Variants in C1QTNF6 observed in about 807,000 individuals in gnomAD.
C1QTNF6 encodes the protein C1q and TNF related 6, also known as complement C1q tumor necrosis factor-related protein 6.
C1QTNF6 carries 17 observed loss-of-function variants against 20.7 expected under a neutral mutation model. The observed-to-expected ratio is 0.82, with a 90% CI of 0.56 to 1.23. C1QTNF6 has a LOEUF of 1.23. Ranked by LOEUF, C1QTNF6 falls within the 50% of genes most tolerant of loss-of-function variation. C1QTNF6 has a pLI of 0.00. For missense variants in C1QTNF6, 329 were observed against 389.7 expected (o/e 0.84, Z 1.31); for synonymous variants, 130 against 156.3 (o/e 0.83, Z 1.25).
upstream of C1QTNF6, among the ~76,000 whole-genome samples, chr22:37,188,709 C>G (rs1017153248): frequency 6.6e-6 from 1 of 152,232 alleles, no homozygotes; most frequent in South Asian, 2.1e-4. Flanking sequence ...ACCACAGTCG[C>G]GTCGCCTCTC....
At chr22:37,194,205 G>C (rs1395829472) in intron 2 of C1QTNF6, among the ~76,000 whole-genome samples, 1 of 152,212 alleles carries the variant, frequency 6.6e-6, no homozygotes, top group Non-Finnish European at 1.5e-5. Flanking sequence ...GTTTGTAACT[G>C]ACGAGTTTGC....
In C1QTNF6 at chr22:37,183,256, C is replaced by G. The variant is rs189210199; in HGVS notation, c.290-521G>C. Among the ~76,000 whole-genome samples the G allele has an allele frequency of 5.3e-5, 8 of 152,336 alleles. No homozygotes were observed. In the East Asian group the frequency reaches 5.8e-4, roughly 11 times the overall value. ...TTGGCAGTCCTGCCCTGTGTGACCTCGGGCACTCCACGGCTGGGGTCTCGG... is the reference window on the plus strand; with the variant it reads ...TTGGCAGTCCTGCCCTGTGTGACCTGGGGCACTCCACGGCTGGGGTCTCGG... On this transcript the variant is annotated intron_variant, in intron 2 of 2. Coordinates refer to ENST00000337843, the MANE Select transcript of C1QTNF6 (RefSeq NM_031910.4).
chr22:37,190,296 T>C (rs191466702), upstream of C1QTNF6, among the ~76,000 whole-genome samples: 437 of 152,356 alleles, frequency 2.9e-3, 2 homozygotes, highest in African/African-American at 9.9e-3. Flanking sequence ...GTGCAGCAAG[T>C]ATAATTATTT....
chr22:37,188,412 G>A, upstream of C1QTNF6: 2 of 484,088 alleles, frequency 4.1e-6, no homozygotes, highest in South Asian at 3.4e-5. Context: ...GGAGATAAAG[G>A]GAGGCAGGGA....
At chr22:37,183,436 G>A (rs571135068) in intron 2 of C1QTNF6, among the ~76,000 whole-genome samples, 2 of 152,362 alleles carry the variant, frequency 1.3e-5, no homozygotes, top group East Asian at 3.9e-4. Context: ...CCTGCTCTGA[G>A]GTCTGGCAGC....
At chr22:37,193,853 A>T (rs549717226) in intron 2 of C1QTNF6, among the ~76,000 whole-genome samples, 2 of 152,372 alleles carry the variant, frequency 1.3e-5, no homozygotes, top group East Asian at 1.9e-4. Context: ...CAAAGGTCAC[A>T]TAGATATTAA....
At chr22:37,188,314 A>C (rs1601634185), upstream of C1QTNF6, 3 of 690,196 alleles carry the variant, frequency 4.3e-6, no homozygotes, top group East Asian at 2.7e-4. Flanking sequence ...GGAGGGAGAG[A>C]GGGCGGAGGG....
At chr22:37,185,538 T>C (rs1601630030) in intron 1 of C1QTNF6, 83 bp from the exon 2 acceptor site, 1 of 1,443,640 alleles carries the variant, frequency 6.9e-7, no homozygotes, top group African/African-American at 1.4e-5. Context: ...GGGTGCTGCG[T>C]CCTCCAGCCA....
chr22:37,184,437 C>T lies in C1QTNF6; in HGVS notation c.289+781G>A, dbSNP rs1924089850. 1.4e-6 allele frequency: 1 copy of T among 717,062 alleles called. No individual in the cohort carries two copies. The allele number at this position is 717,062 out of a possible 1,614,324, so 44.4% of individuals were successfully genotyped here. ...GGAAGGGAAGCGAGTCCTTCCACGT[C>T]CTATTGAGAGAGCGGGTAGCCAGCC... On this transcript the variant is annotated intron_variant, in intron 2 of 2. Coordinates refer to ENST00000337843, the MANE Select transcript of C1QTNF6 (RefSeq NM_031910.4). This position sits in a 1 kb window ranked among gnomAD's most constrained non-coding sequence, Gnocchi z 4.0.
intron 1 of C1QTNF6, chr22:37,186,077 A>T (rs754724955): frequency 1.0e-3 from 1,026 of 985,494 alleles, no homozygotes; most frequent in Non-Finnish European, 1.2e-3. Flanking sequence ...GAGTTCATTG[A>T]TCCTAGCAGA....
Position 37,186,135 on chromosome 22 carries a change from T to G in C1QTNF6, c.52-680A>C, listed in dbSNP as rs1924314325. ...CATGTGGGGTGGTGCGCGGTGATGG[T>G]GTCATTGCATCGCTGAGCAGTCAGG... On this transcript the variant is annotated intron_variant, in intron 1 of 2. Coordinates refer to ENST00000337843, the MANE Select transcript of C1QTNF6 (RefSeq NM_031910.4). 4 of 985,454 alleles carry G rather than the reference T, an allele frequency of 4.1e-6. No homozygotes were observed. The South Asian group carries it at 1.9e-4, about 46-fold the overall frequency. 61.0% of individuals were successfully genotyped at this position (985,454 alleles called of 1,614,324 possible).
At chr22:37,183,763 C>T (rs229524) in intron 2 of C1QTNF6, among the ~76,000 whole-genome samples, 39,902 of 152,212 alleles carry the variant, frequency 0.26, 5,894 homozygotes, top group East Asian at 0.43. Flanking sequence ...AGAACCACGT[C>T]CTCACCTGCA....
chr22:37,189,102 G>A (rs1601635069), upstream of C1QTNF6, among the ~76,000 whole-genome samples: 3 of 152,276 alleles, frequency 2.0e-5, no homozygotes, highest in Admixed American at 2.0e-4. Context: ...CTGAAACTGA[G>A]GCTTCCTCCC....
intron 2 of C1QTNF6, among the ~76,000 whole-genome samples, chr22:37,194,916 G>T (rs1331696647): frequency 1.3e-5 from 2 of 152,228 alleles, no homozygotes; most frequent in Non-Finnish European, 2.9e-5. Flanking sequence ...CCTGCCGGGG[G>T]GTGGAGAAGC....
rs557892335 is a variant in C1QTNF6, at chr22:37,180,750, C to G, written c.*1438G>C. 6.5e-6 allele frequency: 1 copy of G among 153,252 alleles called. No homozygotes were observed. The highest frequency in any genetic ancestry group is 1.5e-5 in the Non-Finnish European group (1 of 68,860). 9.5% of individuals were successfully genotyped at this position (153,252 alleles called of 1,614,324 possible). A position where few individuals can be genotyped will look rare whatever the true frequency, so the allele number is the denominator to read the frequency against. On this transcript the variant is annotated 3_prime_UTR_variant, in exon 3 of 3. Transcript: ENST00000337843. ...AGGGCAGCTGGAGGCCCTGGGGAAA[C>G]GGAAGTTCAGATGACTTTGGTGGAA...
rs181892625 is a variant in C1QTNF6 at position 37,181,055 on chromosome 22, G to C, written c.*1133C>G. On this transcript the variant is annotated 3_prime_UTR_variant, in exon 3 of 3. Transcript: ENST00000337843. ...GAAGGAGATACCTGCCCCTGCCACC[G>C]GGACCCCGTCCCACCAGCCTTGGGG... 6.6e-6 allele frequency: 1 copy of C among 152,532 alleles called. No homozygotes were observed. Among genetic ancestry groups the C allele is most frequent in the East Asian group, 1.9e-4 (1 of 5,194 alleles). The allele number at this position is 152,532 out of a possible 1,614,324, so 9.4% of individuals were successfully genotyped here.
chr22:37,192,335 G>GT (rs1188855291), upstream of C1QTNF6, among the ~76,000 whole-genome samples: 1 of 152,142 alleles, frequency 6.6e-6, no homozygotes, highest in Non-Finnish European at 1.5e-5. Flanking sequence ...GAAAAACCTG[G>GT]TAAGTAAGCA....
upstream of C1QTNF6, among the ~76,000 whole-genome samples, chr22:37,189,916 G>C (rs1462324055): frequency 6.6e-6 from 1 of 152,212 alleles, no homozygotes; most frequent in Non-Finnish European, 1.5e-5. Context: ...ATTCCCAGGA[G>C]GTTAGGCATT....
chr22:37,182,249 C>T lies in C1QTNF6; in HGVS notation c.776G>A (p.Ser259Asn). The change falls in exon 3 of 3, where the codon AGC becomes AAC. Residue 259 changes from serine (S) to asparagine (N), a missense_variant. Ser to Asn is a conservative substitution (Grantham distance 46). Transcript: ENST00000337843. ...FKRQRENAIYSNDFDTYITFS... is the reference protein window; with the variant it reads ...FKRQRENAIYNNDFDTYITFS... ...GGTGATGTAGGTGTCGAAGTCGTTGCTGTAGATGGCGTTCTCGCGCTGGCG... is the reference window on the plus strand; with the variant it reads ...GGTGATGTAGGTGTCGAAGTCGTTGTTGTAGATGGCGTTCTCGCGCTGGCG... 6.2e-7 allele frequency: 1 copy of T among 1,614,174 alleles called. No homozygotes were observed. Among genetic ancestry groups the T allele is most frequent in the Non-Finnish European group, 8.5e-7 (1 of 1,180,022 alleles).
Sources: gnomAD v4.1 joint callset for allele counts (sites outside exome capture counted in the v4.1 genomes callset) on GRCh38, gnomAD v4.1.1 for gene constraint, Gnocchi (gnomAD v3.1) non-coding constraint, MANE v1.5 for transcripts, NCBI Gene and HGNC (gene_info 2026-07-23, HGNC 2026-07-21) for gene names.